Variants in COL22A1 observed in about 807,000 individuals in gnomAD.
COL22A1 encodes collagen type XXII alpha 1 chain, also known as collagen alpha-1(XXII) chain.
Under a neutral mutation model 248.9 loss-of-function variants are expected in COL22A1, and 221 were observed. That is an observed-to-expected ratio of 0.89 (90% CI 0.80 to 0.99). The LOEUF is 0.99. COL22A1 is among the 50% of genes least tolerant of loss of function. COL22A1 has a pLI of 0.00. For missense variants in COL22A1, 2,240 were observed against 2,179.0 expected, an observed-to-expected ratio of 1.03 and a Z score of -0.56; for synonymous variants, 891 against 793.4, an observed-to-expected ratio of 1.12 and a Z score of -2.07.
chr8:138,797,889 T>C lies in COL22A1; in HGVS notation c.1558-1032A>G, dbSNP rs565466058. On this transcript the variant is annotated intron_variant, in intron 11 of 64. Transcript: ENST00000303045. The stretch of plus-strand genomic sequence containing the variant: ...TTATAATTGCTATATTTTTAAGAAA[T>C]AATTTTTTATTATAAAATGTCTCCC... Among the ~76,000 whole-genome samples the C allele has an allele frequency of 3.4e-4, 51 of 152,208 alleles. 1 individual carries two copies. In the South Asian group the frequency reaches 0.011, roughly 32 times the overall value.
At chr8:138,842,968 CATGAGGCCAGTTACCCTGGTGG>C in intron 4 of COL22A1, among the ~76,000 whole-genome samples, 1 of 152,142 alleles carries the variant, frequency 6.6e-6, no homozygotes, top group East Asian at 1.9e-4. Context: ...TAGAGTATGG[CATGAGGCCAGTTACCCTGGTGG>C]ATGACTGCCC....
In COL22A1 at chr8:138,632,943, T is replaced by G. The variant is rs1451419935; in HGVS notation, c.3609+2067A>C. ...CTTGCCAAGTTGAAAAAAAATTCCC[T>G]ACTGCATATGGGGATGGGGTAAGTG... On this transcript the variant is annotated intron_variant, in intron 49 of 64. Coordinates refer to ENST00000303045, the MANE Select transcript of COL22A1 (RefSeq NM_152888.3). 3.3e-5 allele frequency among the ~76,000 whole-genome samples: 5 copies of G among 152,178 alleles called. No individual in the cohort carries two copies. In the East Asian group the frequency reaches 9.6e-4, roughly 29 times the overall value.
At chr8:138,874,774 A>G (rs1195339758) in intron 3 of COL22A1, among the ~76,000 whole-genome samples, 1 of 152,202 alleles carries the variant, frequency 6.6e-6, no homozygotes, top group Non-Finnish European at 1.5e-5. Flanking sequence ...CTAGTGGAAG[A>G]ACAGCCATGC....
chr8:138,818,687 T>C (rs1433250777), intron 7 of COL22A1, among the ~76,000 whole-genome samples: 1 of 152,210 alleles, frequency 6.6e-6, no homozygotes, highest in Non-Finnish European at 1.5e-5. Context: ...GTAAAGATTT[T>C]GGTCAGAAAT....
intron 46 of COL22A1, among the ~76,000 whole-genome samples, chr8:138,647,398 C>T (rs950047996): frequency 1.3e-5 from 2 of 152,262 alleles, no homozygotes; most frequent in East Asian, 1.9e-4. Context: ...TTGTTTTAAG[C>T]CACTAAGTTT....
At chr8:138,853,446 T>A (rs1467832957) in intron 3 of COL22A1, among the ~76,000 whole-genome samples, 1 of 152,204 alleles carries the variant, frequency 6.6e-6, no homozygotes, top group African/African-American at 2.4e-5. Flanking sequence ...ATACTCCCAA[T>A]GCCTCCACAA....
chr8:138,902,845 G>A (rs866617279), intron 1 of COL22A1, among the ~76,000 whole-genome samples: 17 of 151,456 alleles, frequency 1.1e-4, no homozygotes, highest in African/African-American at 3.9e-4. Flanking sequence ...TGTGGGATGG[G>A]GTCAAGGCTT....
intron 3 of COL22A1, among the ~76,000 whole-genome samples, chr8:138,848,443 T>C (rs1821403092): frequency 6.6e-6 from 1 of 152,130 alleles, no homozygotes; most frequent in African/African-American, 2.4e-5. Context: ...AACACGTCCA[T>C]TTTTTTGGCC....
intron 41 of COL22A1, among the ~76,000 whole-genome samples, chr8:138,670,671 A>G (rs1412892715): frequency 2.0e-5 from 3 of 152,098 alleles, no homozygotes; most frequent in Admixed American, 6.6e-5. Context: ...ATAAAAAGCC[A>G]CCGGTAGGCT....
At chr8:138,683,784 G>T (rs2130847861) in intron 39 of COL22A1, among the ~76,000 whole-genome samples, 1 of 152,222 alleles carries the variant, frequency 6.6e-6, no homozygotes, top group African/African-American at 2.4e-5. Context: ...CTTTTACTGT[G>T]TTAAGCCTCT....
chr8:138,676,380 T>C (rs146686455), intron 41 of COL22A1, among the ~76,000 whole-genome samples, 178 bp downstream of exon 41: 1,309 of 58,856 alleles, frequency 0.022, 21 homozygotes, highest in African/African-American at 0.055. Flanking sequence ...TGGGCAACAC[T>C]GCGAGACTCC....
At chr8:138,609,523 C>T (rs1354385492) in intron 56 of COL22A1, among the ~76,000 whole-genome samples, 2 of 152,184 alleles carry the variant, frequency 1.3e-5, no homozygotes, top group African/African-American at 2.4e-5. Flanking sequence ...GGTCTAAAAT[C>T]AGAGCAGCCA....
intron 18 of COL22A1, among the ~76,000 whole-genome samples, chr8:138,756,701 A>G (rs1833032082): frequency 6.6e-6 from 1 of 152,152 alleles, no homozygotes; most frequent in African/African-American, 2.4e-5. Context: ...CTTAAGGCTA[A>G]GGGGGAAGAG....
intron 10 of COL22A1, among the ~76,000 whole-genome samples, chr8:138,806,081 TGTGTAATG>T (rs879852428): frequency 0.023 from 468 of 20,020 alleles, no homozygotes; most frequent in Middle Eastern, 0.06. Flanking sequence ...TGTGATGGTG[TGTGTAATG>T]GTGTGTGATG....
At chr8:138,699,510 C>T (rs991511597) in intron 32 of COL22A1, among the ~76,000 whole-genome samples, 2 of 152,200 alleles carry the variant, frequency 1.3e-5, no homozygotes, top group East Asian at 3.9e-4. Context: ...ATCCTGAAAA[C>T]ACCTATTTTC....
chr8:138,892,246 C>T (rs892357623), intron 1 of COL22A1, among the ~76,000 whole-genome samples: 3 of 152,190 alleles, frequency 2.0e-5, no homozygotes, highest in African/African-American at 7.2e-5. Flanking sequence ...GTGTTCATAA[C>T]AAAATGTTTA....
intron 3 of COL22A1, among the ~76,000 whole-genome samples, chr8:138,859,883 A>C (rs564083708): frequency 9.1e-6 from 1 of 109,732 alleles, no homozygotes; most frequent in East Asian, 4.1e-4. Context: ...TTGAGAGTAA[A>C]GCAACGGTGG....
rs1211878898 is a variant in COL22A1, at chr8:138,778,420, T to A, written c.1705-14A>T. The A allele has an allele frequency of 1.9e-6, 3 of 1,579,868 alleles. No homozygotes were observed. The highest frequency in any genetic ancestry group is 2.2e-5 in the East Asian group (1 of 44,616). ...TCCTTGGGGCCCCTGCAGAAGAGCATTTACAGAGTAAAGTTTCAGGGATGG... is the reference window on the plus strand; with the variant it reads ...TCCTTGGGGCCCCTGCAGAAGAGCAATTACAGAGTAAAGTTTCAGGGATGG... On this transcript the variant is annotated splice_polypyrimidine_tract_variant and intron_variant, in intron 14 of 64. Coordinates refer to ENST00000303045, the MANE Select transcript of COL22A1 (RefSeq NM_152888.3).
intron 16 of COL22A1, among the ~76,000 whole-genome samples, chr8:138,763,184 A>C (rs2131403061): frequency 6.6e-6 from 1 of 152,238 alleles, no homozygotes; most frequent in South Asian, 2.1e-4. Flanking sequence ...GTCAAGAGTT[A>C]TAGACCAGCC....
Sources: allele counts gnomAD v4.1 joint callset (sites outside exome capture counted in the v4.1 genomes callset), GRCh38; gene constraint gnomAD v4.1.1; transcripts MANE v1.5; gene names NCBI Gene and HGNC (gene_info 2026-07-23, HGNC 2026-07-21).